The following ZMYM6 variants were observed in gnomAD, a reference collection of about 807,000 sequenced individuals.
ZMYM6 encodes the protein zinc finger MYM-type containing 6, also known as zinc finger MYM-type protein 6.
ZMYM6 carries 90 observed loss-of-function variants against 134.0 expected under a neutral mutation model. The ratio of observed to expected loss-of-function variants is 0.67; its 90% CI spans 0.57 to 0.80. The LOEUF (loss-of-function observed/expected upper bound fraction) is 0.80. Among genes scored for constraint, ZMYM6 ranks in the 30% least tolerant of loss-of-function variants. ZMYM6 has a pLI of 0.00. For synonymous variants in ZMYM6, 481 were observed against 524.1 expected, an observed-to-expected ratio of 0.92 and a Z score of 1.12; for missense variants, 1,362 against 1,533.9, an observed-to-expected ratio of 0.89 and a Z score of 1.87.
Position 35,010,752 on chromosome 1 carries a change from C to A in ZMYM6, c.1341+6G>T. 1 of 1,552,970 alleles carries A rather than the reference C, an allele frequency of 6.4e-7. No homozygotes were observed. The highest frequency in any genetic ancestry group is 8.7e-7 in the Non-Finnish European group (1 of 1,155,004). On this transcript the variant is annotated splice_donor_region_variant and intron_variant, in intron 9 of 15. Coordinates refer to ENST00000357182, the MANE Select transcript of ZMYM6 (RefSeq NM_007167.4). ...ATATACAATCCCTTTCATGATCTCT[C>A]TTTACCTTGTAAAAAAGAAGTTCTG...
At chr1:35,000,246 C>CT (rs36012246) in intron 14 of ZMYM6, among the ~76,000 whole-genome samples, 9 of 147,966 alleles carry the variant, frequency 6.1e-5, no homozygotes, top group South Asian at 2.1e-4. Context: ...TTTTTTTTTT[C>CT]TTTTTTTTTG....
intron 6 of ZMYM6, chr1:35,013,445 G>A: frequency 1.0e-6 from 1 of 983,720 alleles, no homozygotes; most frequent in Non-Finnish European, 1.2e-6. Flanking sequence ...AAAAGACAGA[G>A]TACAATACTA....
At chr1:35,001,476 AACTAACATAATTCAAG>A (rs1279972810) in intron 14 of ZMYM6, among the ~76,000 whole-genome samples, 2 of 152,138 alleles carry the variant, frequency 1.3e-5, no homozygotes, top group African/African-American at 4.8e-5. Context: ...AATAATTCAA[AACTAACATAATTCAAG>A]ACTAATTATC....
intron 11 of ZMYM6, among the ~76,000 whole-genome samples, chr1:35,008,040 T>C (rs1641016295): frequency 6.6e-6 from 1 of 152,178 alleles, no homozygotes; most frequent in Admixed American, 6.6e-5. Context: ...CCTAATTATA[T>C]AATCATGAAA....
chr1:35,019,512 A>T lies in ZMYM6; in HGVS notation c.269T>A (p.Val90Asp), dbSNP rs1474856013. The T allele has an allele frequency of 6.2e-7, 1 of 1,614,158 alleles. No individual in the cohort carries two copies. The highest frequency in any genetic ancestry group is 2.2e-5 in the East Asian group (1 of 44,888). Residue 90 changes from valine (V) to aspartate (D), a missense_variant, in exon 4 of 16, where the codon GTT (valine) becomes GAT (aspartate). Physicochemically the swap from Val to Asp is radical, Grantham distance 152. Around this residue, in one of 3 missense-constraint regions of ZMYM6, gnomAD observed 503 missense variants for 520.8 expected, o/e 0.97. Transcript: ENST00000357182. ...LPSVPAVAIK[V>D]FCSGCKKMLY... ...CATTTTTTTACAACCAGAACAAAAA[A>T]CCTTAATAGCAACAGCTGGAACTGA...
At chr1:34,999,220 G>A (rs1384744823) in intron 14 of ZMYM6, among the ~76,000 whole-genome samples, 1 of 152,224 alleles carries the variant, frequency 6.6e-6, no homozygotes, top group Non-Finnish European at 1.5e-5. Context: ...TTCAAGAAAG[G>A]AGGAAAGAGT....
chr1:35,001,119 G>A (rs923017106), intron 14 of ZMYM6, among the ~76,000 whole-genome samples: 1 of 152,076 alleles, frequency 6.6e-6, no homozygotes, highest in African/African-American at 2.4e-5. Flanking sequence ...GACTTTTATA[G>A]AAAAAGTTTG....
At chr1:35,003,843 T>C in intron 14 of ZMYM6, 125 bp downstream of exon 14, 1 of 797,196 alleles carries the variant, frequency 1.3e-6, no homozygotes, top group South Asian at 1.6e-5. Flanking sequence ...GCCCAAGACC[T>C]AGATTAATGA....
At position 34,987,943 on chromosome 1, in the gene ZMYM6, A is replaced by G. The variant is rs1557552895; in HGVS notation, c.3139T>C (p.Ser1047Pro). Residue 1047 changes from serine (S) to proline (P), a missense_variant, in exon 16 of 16, where the codon TCA (serine) becomes CCA (proline). Ser to Pro is a moderately conservative substitution (Grantham distance 74). This residue lies in a region of ZMYM6 where 824 missense variants were observed against 940.9 expected (regional missense o/e 0.88). Transcript: ENST00000357182. ...TCACACAAAATTGTTAACATACGTG[A>G]ATTTAATGCATTGCTCTTTATAAAA... is the stretch of plus-strand genomic sequence containing the variant. ...LSFIKSNALN[S>P]RMLTILCEEM... 3.2e-6 allele frequency: 5 copies of G among 1,551,592 alleles called. No homozygotes were observed. The East Asian group carries it at 1.2e-4, about 38-fold the overall frequency.
chr1:35,012,035 T>A, intron 7 of ZMYM6, 30 bp from the exon 8 acceptor site: 1 of 1,394,104 alleles, frequency 7.2e-7, no homozygotes, highest in Non-Finnish European at 1.0e-6. Flanking sequence ...AAACAATGAT[T>A]AAGTTATACC....
At chr1:35,023,654 G>C (rs1296004052) in intron 2 of ZMYM6, among the ~76,000 whole-genome samples, 4 of 146,372 alleles carry the variant, frequency 2.7e-5, no homozygotes, top group Non-Finnish European at 6.0e-5. Context: ...ACAGAATCTC[G>C]CTCTGTCACC....
At chr1:34,990,611 C>A (rs550410071) in intron 15 of ZMYM6, among the ~76,000 whole-genome samples, 6 of 152,242 alleles carry the variant, frequency 3.9e-5, no homozygotes, top group Non-Finnish European at 7.4e-5. Flanking sequence ...CCCAACATTG[C>A]TTATAATACA....
At chr1:35,012,326 T>A in intron 7 of ZMYM6, 105 bp downstream of exon 7, 1 of 1,090,336 alleles carries the variant, frequency 9.2e-7, no homozygotes, top group Non-Finnish European at 1.2e-6. Context: ...TGGGTTTTTA[T>A]TTAACTAAAT....
Position 34,987,388 on chromosome 1 carries a change from C to T in ZMYM6, c.3694G>A (p.Glu1232Lys), listed in dbSNP as rs771171268. ...HQNNNLTDFEEEKLTELSSDL... is the reference protein window; with the variant it reads ...HQNNNLTDFEKEKLTELSSDL... ...GAAGATAGCTCTGTTAGCTTTTCTTCTTCGAAGTCGGTGAGATTATTATTT... is the reference window on the plus strand; with the variant it reads ...GAAGATAGCTCTGTTAGCTTTTCTTTTTCGAAGTCGGTGAGATTATTATTT... Residue 1232 changes from glutamate (E) to lysine (K), a missense_variant, in exon 16 of 16, where the codon GAA (glutamate) becomes AAA (lysine). Glu to Lys is a moderately conservative substitution (Grantham distance 56, BLOSUM62 1). Around this residue, in one of 3 missense-constraint regions of ZMYM6, gnomAD observed 824 missense variants for 940.9 expected, o/e 0.88. Coordinates refer to ENST00000357182, the MANE Select transcript of ZMYM6 (RefSeq NM_007167.4). 3.1e-6 allele frequency: 5 copies of T among 1,613,962 alleles called. No individual in the cohort carries two copies. The South Asian group carries it at 5.5e-5, about 18-fold the overall frequency.
Position 35,005,218 on chromosome 1 carries a change from T to A in ZMYM6, c.1868A>T (p.Asp623Val), listed in dbSNP as rs761347034. Reference sequence around the variant, plus strand: ...CACACTGGTTATAACTGGTGTTGTATCTGTCCTTGCAGAAGGGAGCTCCGT... The same window carrying A: ...CACACTGGTTATAACTGGTGTTGTAACTGTCCTTGCAGAAGGGAGCTCCGT... ...AVTELPSART[D>V]TTPVITSVMS... The change falls in exon 13 of 16, where the codon GAT becomes GTT. Residue 623 changes from aspartate (D) to valine (V), a missense_variant. Physicochemically the swap from Asp to Val is radical, Grantham distance 152. Coordinates refer to ENST00000357182, the MANE Select transcript of ZMYM6 (RefSeq NM_007167.4). 1.9e-6 allele frequency: 3 copies of A among 1,614,202 alleles called. No individual in the cohort carries two copies. The highest frequency in any genetic ancestry group is 2.5e-6 in the Non-Finnish European group (3 of 1,180,020).
At chr1:35,022,272 GT>G (rs892256778) in intron 2 of ZMYM6, among the ~76,000 whole-genome samples, 10 of 149,072 alleles carry the variant, frequency 6.7e-5, no homozygotes, top group East Asian at 3.9e-4. Context: ...TCTCTGTTTT[GT>G]TTTTTTTTTC....
chr1:35,002,894 G>A (rs1407983044), intron 14 of ZMYM6, among the ~76,000 whole-genome samples: 2 of 152,064 alleles, frequency 1.3e-5, no homozygotes, highest in Non-Finnish European at 2.9e-5. Context: ...AGCACAAGCT[G>A]GGCACCATCG....
At position 35,030,646 on chromosome 1, in the gene ZMYM6, T is replaced by C. The variant is rs377544393; in HGVS notation, c.-7A>G. 6.8e-5 allele frequency: 110 copies of C among 1,611,184 alleles called. No individual in the cohort carries two copies. Among genetic ancestry groups the C allele is most frequent in the Non-Finnish European group, 5.9e-6 (7 of 1,179,526 alleles). ...CATCCAAAGGTTCTTTCATTCTAAT[T>C]TTTTACCTCAAAGAGTGTCTCAGGC... On this transcript the variant is annotated 5_prime_UTR_variant, in exon 2 of 16. Transcript: ENST00000357182.
rs909558690 is a variant in ZMYM6 at position 35,019,735 on chromosome 1, C to T, written c.179-133G>A. 5.4e-6 allele frequency: 6 copies of T among 1,104,230 alleles called. No individual in the cohort carries two copies. In the East Asian group the frequency reaches 1.3e-4, roughly 24 times the overall value. 68.4% of individuals were successfully genotyped at this position (1,104,230 alleles called of 1,614,324 possible). A position where few individuals can be genotyped will look rare whatever the true frequency, so the allele number is the denominator to read the frequency against. On this transcript the variant is annotated intron_variant, in intron 3 of 15. Coordinates refer to ENST00000357182, the MANE Select transcript of ZMYM6 (RefSeq NM_007167.4). ...TCACCCAGGCTGGAGTGCAGTGGTGCAATCAAGGCTCACTGAAGCCTCAAA... is the reference window on the plus strand; with the variant it reads ...TCACCCAGGCTGGAGTGCAGTGGTGTAATCAAGGCTCACTGAAGCCTCAAA...
Sources: allele counts gnomAD v4.1 joint callset (sites outside exome capture counted in the v4.1 genomes callset), GRCh38; gene constraint gnomAD v4.1.1; regional missense constraint gnomAD v4.1.1; transcripts MANE v1.5; gene names NCBI Gene and HGNC (gene_info 2026-07-23, HGNC 2026-07-21).